XPO6: variants seen among roughly 807,000 people sequenced by gnomAD.
XPO6 encodes exportin-6.
In XPO6, 3 loss-of-function variants were observed where a neutral mutation model predicts 130.0. The ratio of observed to expected loss-of-function variants is 0.02; its 90% CI spans 0.01 to 0.06. The LOEUF is 0.06. XPO6 is among the 10% of genes least tolerant of loss of function. The pLI is 1.00. For missense variants in XPO6, 970 were observed against 1,393.0 expected, an observed-to-expected ratio of 0.70 and a Z score of 4.83; for synonymous variants, 524 against 548.9, an observed-to-expected ratio of 0.95 and a Z score of 0.63.
Position 28,107,649 on chromosome 16 carries a change from G to T in XPO6, c.2370C>A (p.Ser790Arg). The change falls in exon 18 of 24, where the codon AGC (serine) becomes AGA (arginine). Residue 790 changes from serine to arginine, a missense_variant. Ser to Arg is a moderately radical substitution (Grantham distance 110). This residue lies in a region of XPO6 where 936 missense variants were observed against 1,306.8 expected (regional missense o/e 0.72). Transcript: ENST00000304658. ...TATTCTCCACAATATCTTCTAAGAC[G>T]CTGAGTGTCTGGTGGATAATCAGTT... ...DTKLIIHQTL[S>R]VLEDIVENIS... 6.2e-7 allele frequency: 1 copy of T among 1,613,996 alleles called. No individual in the cohort carries two copies. Among genetic ancestry groups the T allele is most frequent in the Non-Finnish European group, 8.5e-7 (1 of 1,179,970 alleles).
Position 28,135,299 on chromosome 16 carries a change from G to T in XPO6, c.1360C>A (p.Leu454Ile). The T allele has an allele frequency of 3.7e-6, 6 of 1,613,872 alleles. No individual in the cohort carries two copies. Among genetic ancestry groups the T allele is most frequent in the Non-Finnish European group, 5.1e-6 (6 of 1,179,870 alleles). Residue 454 changes from leucine to isoleucine, a missense_variant, in exon 10 of 24, where the codon CTC becomes ATC. Physicochemically the swap from Leu to Ile is conservative, Grantham distance 5 (BLOSUM62 2). This residue lies in a region of XPO6 where 936 missense variants were observed against 1,306.8 expected (regional missense o/e 0.72). Transcript: ENST00000304658. The part of the protein sequence containing the change: ...NRYEDALVLL[L>I]TEVLNRIQFR... ...TGGATTCGATTCAACACCTCTGTGA[G>T]CAGGAGCACCAGGGCATCTTCGTAC...
At chr16:28,098,662 C>T (rs1377876934) in intron 23 of XPO6, 23 bp from the exon 24 acceptor site, 1 of 1,577,872 alleles carries the variant, frequency 6.3e-7, no homozygotes, top group Non-Finnish European at 8.7e-7. Flanking sequence ...GGCATAGCTG[C>T]AGCCAACAAC....
intron 3 of XPO6, among the ~76,000 whole-genome samples, chr16:28,176,313 GTATGTGCAAAAACTT>G (rs2043532806): frequency 6.6e-6 from 1 of 152,142 alleles, no homozygotes; most frequent in South Asian, 2.1e-4. Context: ...ACAAAAAGCT[GTATGTGCAAAAACTT>G]TTTTACACCA....
chr16:28,116,686 T>A (rs527468997), intron 15 of XPO6, among the ~76,000 whole-genome samples: 4 of 152,184 alleles, frequency 2.6e-5, no homozygotes, highest in Non-Finnish European at 5.9e-5. Context: ...CTCCAATCAG[T>A]GGAGCAGTCA....
intron 5 of XPO6, among the ~76,000 whole-genome samples, chr16:28,168,355 T>C (rs2043391267): frequency 6.6e-6 from 1 of 152,092 alleles, no homozygotes; most frequent in Non-Finnish European, 1.5e-5. Context: ...TGGTGCCGCA[T>C]GCCTGTAGTC....
rs768404046 is a variant in XPO6, at chr16:28,169,781, G to C, written c.534C>G (p.Asp178Glu). 1 of 1,614,038 alleles carries C rather than the reference G, an allele frequency of 6.2e-7. No individual in the cohort carries two copies. The highest frequency in any genetic ancestry group is 1.1e-5 in the South Asian group (1 of 91,072). The change falls in exon 5 of 24, where the codon GAC becomes GAG. Residue 178 changes from aspartate (D) to glutamate (E), a missense_variant. Asp to Glu is a conservative substitution (Grantham distance 45). Coordinates refer to ENST00000304658, the MANE Select transcript of XPO6 (RefSeq NM_015171.4). ...GTAGCCCAAGCACTGTCTGCACCTG[G>C]TCCAGTAGCAGCTTCCGCAACTCCT... ...RKEELRKLLL[D>E]QVQTVLGLLT...
intron 15 of XPO6, 125 bp downstream of exon 15, chr16:28,117,193 T>C (rs1567600159): frequency 1.6e-6 from 2 of 1,277,494 alleles, no homozygotes; most frequent in African/African-American, 3.0e-5. Flanking sequence ...AAAACAGATG[T>C]ATAACAGCAG....
At chr16:28,154,564 A>G (rs2043152690) in intron 7 of XPO6, 1 of 152,734 alleles carries the variant, frequency 6.5e-6, no homozygotes, top group South Asian at 2.1e-4. Context: ...CCAGGAAGCA[A>G]GCACACAGCA....
At chr16:28,200,622 A>G (rs1427265299) in intron 1 of XPO6, among the ~76,000 whole-genome samples, 2 of 152,174 alleles carry the variant, frequency 1.3e-5, no homozygotes, top group East Asian at 1.9e-4. Flanking sequence ...GTGATCTAGA[A>G]AAAAACATGG....
intron 6 of XPO6, among the ~76,000 whole-genome samples, chr16:28,160,274 C>A (rs547019802): frequency 6.7e-6 from 1 of 149,138 alleles, no homozygotes; most frequent in Non-Finnish European, 1.5e-5. Context: ...GAGGCTGAAG[C>A]GGATAAATCA....
chr16:28,161,989 C>G (rs932716505), intron 6 of XPO6, among the ~76,000 whole-genome samples: 3 of 152,066 alleles, frequency 2.0e-5, no homozygotes, highest in African/African-American at 7.2e-5. Flanking sequence ...TATGTATGGC[C>G]TAAAATCATA....
At chr16:28,140,962 T>C (rs745696844) in intron 9 of XPO6, among the ~76,000 whole-genome samples, 3 of 152,248 alleles carry the variant, frequency 2.0e-5, no homozygotes, top group Non-Finnish European at 2.9e-5. Context: ...TATTCCTGGA[T>C]AGCTTTTTCA....
At position 28,180,914 on chromosome 16, in the gene XPO6, C is replaced by T. The variant is rs1041309072; in HGVS notation, c.94+27G>A. 4.4e-6 allele frequency: 7 copies of T among 1,592,770 alleles called. No individual in the cohort carries two copies. In the East Asian group the frequency reaches 6.7e-5, roughly 15 times the overall value. On this transcript the variant is annotated intron_variant, in intron 2 of 23. Coordinates refer to ENST00000304658, the MANE Select transcript of XPO6 (RefSeq NM_015171.4). Reference sequence around the variant, plus strand: ...ACCAGGGCCTCCTCATTATAAATTCCTCTTTACAAGTCAATGCTCCACTTA... The same window carrying T: ...ACCAGGGCCTCCTCATTATAAATTCTTCTTTACAAGTCAATGCTCCACTTA...
chr16:28,184,091 A>G (rs924563527), intron 1 of XPO6, among the ~76,000 whole-genome samples: 3 of 152,196 alleles, frequency 2.0e-5, no homozygotes, highest in African/African-American at 7.2e-5. Flanking sequence ...CAAGTGAGGA[A>G]GAGGTAATAC....
chr16:28,109,215 T>C (rs1335999341), intron 17 of XPO6, among the ~76,000 whole-genome samples: 3 of 151,678 alleles, frequency 2.0e-5, no homozygotes, highest in African/African-American at 4.8e-5. Flanking sequence ...GCACTATAAG[T>C]ATATAATAAT....
chr16:28,195,632 A>G (rs924428859), intron 1 of XPO6, among the ~76,000 whole-genome samples: 4 of 152,198 alleles, frequency 2.6e-5, no homozygotes, highest in Non-Finnish European at 5.9e-5. Flanking sequence ...GTGAGCCTGT[A>G]GTACCAGCTA....
intron 8 of XPO6, among the ~76,000 whole-genome samples, chr16:28,149,035 T>G (rs1033653483): frequency 2.1e-5 from 3 of 141,392 alleles, no homozygotes; most frequent in African/African-American, 8.1e-5. Flanking sequence ...AGAGTGAAAC[T>G]CTGTCTCCAA....
At chr16:28,201,786 C>T (rs554648831) in intron 1 of XPO6, among the ~76,000 whole-genome samples, 46 of 152,188 alleles carry the variant, frequency 3.0e-4, no homozygotes, top group Admixed American at 2.6e-3. Flanking sequence ...ACCCAGGAGG[C>T]GGAACTTGTA....
intron 11 of XPO6, 63 bp downstream of exon 11, chr16:28,133,778 A>G: frequency 6.6e-7 from 1 of 1,519,154 alleles, no homozygotes; most frequent in Non-Finnish European, 9.1e-7. Flanking sequence ...AGGGGAGTCA[A>G]CCAGCCATGC....
Sources: allele counts gnomAD v4.1 joint callset (sites outside exome capture counted in the v4.1 genomes callset), GRCh38; gene constraint gnomAD v4.1.1; regional missense constraint gnomAD v4.1.1; transcripts MANE v1.5; gene names NCBI Gene and HGNC (gene_info 2026-07-23, HGNC 2026-07-21).